MGAM2: variants seen among roughly 807,000 people sequenced by gnomAD.
MGAM2 encodes the protein maltase-glucoamylase 2 (putative), also known as probable maltase-glucoamylase 2.
A neutral mutation model predicts 96.1 loss-of-function variants in MGAM2; 98 were observed. The ratio of observed to expected loss-of-function variants is 1.02; its 90% CI spans 0.87 to 1.21. The LOEUF (loss-of-function observed/expected upper bound fraction) is 1.21, where lower values mean the gene tolerates loss of function less well. Among genes scored for constraint, MGAM2 ranks in the 50% most tolerant of loss-of-function variants. The pLI, the probability that MGAM2 is intolerant of heterozygous loss-of-function variation, is 0.00. For synonymous variants in MGAM2, 749 were observed against 414.8 expected, an observed-to-expected ratio of 1.81 and a Z score of -9.79; for missense variants, 2,055 against 1,182.4, an observed-to-expected ratio of 1.74 and a Z score of -10.82.
Position 142,163,345 on chromosome 7 carries a change from G to A in MGAM2, c.2484+1341G>A, listed in dbSNP as rs967010673. Among the ~76,000 whole-genome samples, 9 of 152,154 alleles carry A rather than the reference G, an allele frequency of 5.9e-5. 1 individual carries two copies. The highest frequency in any genetic ancestry group is 3.3e-4 in the Admixed American group (5 of 15,274). On this transcript the variant is annotated intron_variant, in intron 23 of 47. Transcript: ENST00000477922. ...TGCCCAGGCTGGAGTGCAAGGGCAC[G>A]ATCTCAGCCCACTGCAACCTCCGCC...
intron 17 of MGAM2, among the ~76,000 whole-genome samples, chr7:142,156,770 G>GA (rs993604009): frequency 6.6e-5 from 10 of 151,600 alleles, no homozygotes; most frequent in Non-Finnish European, 1.0e-4. Flanking sequence ...GGGAGCAAAA[G>GA]AAAAAAAAGT....
At chr7:142,119,229 T>C (rs1372475960) in intron 2 of MGAM2, among the ~76,000 whole-genome samples, 1 of 151,388 alleles carries the variant, frequency 6.6e-6, no homozygotes, top group Non-Finnish European at 1.5e-5. Context: ...CAAATCCAAA[T>C]TTAAAAAAAA....
Position 142,183,384 on chromosome 7 carries a change from G to T in MGAM2, c.3924+11G>T, listed in dbSNP as rs1285828438. The stretch of plus-strand genomic sequence containing the variant: ...ATTGTCTGGGGAAAGGTAAGGCTTG[G>T]GGAAGATGCTTACAGTTAATTAACA... On this transcript the variant is annotated intron_variant, in intron 33 of 47. Coordinates refer to ENST00000477922, the MANE Select transcript of MGAM2 (RefSeq NM_001293626.2). 1.4e-6 allele frequency: 1 copy of T among 701,680 alleles called. No individual in the cohort carries two copies. The highest frequency in any genetic ancestry group is 1.5e-5 in the South Asian group (1 of 67,214). 43.5% of individuals were successfully genotyped at this position (701,680 alleles called of 1,614,324 possible).
intron 37 of MGAM2, 78 bp downstream of exon 37, chr7:142,189,583 T>C (rs911244678): frequency 5.4e-6 from 3 of 552,774 alleles, no homozygotes; most frequent in Non-Finnish European, 9.6e-6. Context: ...GCATTGTGCA[T>C]GTATCTACGT....
intron 45 of MGAM2, among the ~76,000 whole-genome samples, chr7:142,205,996 T>C (rs978301692): frequency 6.6e-6 from 1 of 152,148 alleles, no homozygotes; most frequent in Non-Finnish European, 1.5e-5. Context: ...AACTTCTTTC[T>C]TTTGTATGTG....
chr7:142,116,518 A>G (rs1055683321), intron 1 of MGAM2, among the ~76,000 whole-genome samples: 3 of 152,190 alleles, frequency 2.0e-5, no homozygotes, highest in Admixed American at 6.5e-5. Context: ...GGATGTGAAG[A>G]TCAAAGTGAA....
In MGAM2 at chr7:142,137,468, C is replaced by G. The variant is rs1488543102; in HGVS notation, c.883C>G (p.Arg295Gly). Residue 295 changes from arginine (R) to glycine (G), a missense_variant, in exon 9 of 48, where the codon CGC (arginine) becomes GGC (glycine). By Grantham distance (125) the Arg-to-Gly change is moderately radical. Coordinates refer to ENST00000477922, the MANE Select transcript of MGAM2 (RefSeq NM_001293626.2). The stretch of plus-strand genomic sequence containing the variant: ...TCAGCCAGCTCCTGCGATCACTTAT[C>G]GCACGATTGGAGGCATTCTTGACTT... ...TLQPAPAITYRTIGGILDFYV... is the reference protein window; with the variant it reads ...TLQPAPAITYGTIGGILDFYV... 2 of 701,974 alleles carry G rather than the reference C, an allele frequency of 2.8e-6. No homozygotes were observed. Among genetic ancestry groups the G allele is most frequent in the Non-Finnish European group, 5.2e-6 (2 of 384,362 alleles). 43.5% of individuals were successfully genotyped at this position (701,974 alleles called of 1,614,324 possible). A position where few individuals can be genotyped will look rare whatever the true frequency, so the allele number is the denominator to read the frequency against.
chr7:142,187,687 C>T lies in MGAM2; in HGVS notation c.4123-63C>T, dbSNP rs532518569. 3 of 688,628 alleles carry T rather than the reference C, an allele frequency of 4.4e-6. No individual in the cohort carries two copies. In the African/African-American group the frequency reaches 5.3e-5, roughly 12 times the overall value. 42.7% of individuals were successfully genotyped at this position (688,628 alleles called of 1,614,324 possible). ...AAAGTCATCTCCCTGAGTTAGTGTC[C>T]TCTATAGCCAAGGCCATCCTGCCCC... On this transcript the variant is annotated intron_variant, in intron 35 of 47. Coordinates refer to ENST00000477922, the MANE Select transcript of MGAM2 (RefSeq NM_001293626.2).
intron 46 of MGAM2, among the ~76,000 whole-genome samples, chr7:142,210,457 A>C (rs1356290873): frequency 1.3e-5 from 2 of 152,172 alleles, no homozygotes; most frequent in Non-Finnish European, 2.9e-5. Context: ...ACTCGCCGCC[A>C]GCACAGCTGT....
At chr7:142,147,314 A>ATT (rs1795416594) in intron 14 of MGAM2, 142 bp from the exon 15 acceptor site, 2 of 556,960 alleles carry the variant, frequency 3.6e-6, no homozygotes, top group Non-Finnish European at 6.4e-6. Context: ...AGCATTTAGG[A>ATT]TAGAATTTAA....
At chr7:142,178,999 C>T (rs1480666830) in intron 32 of MGAM2, among the ~76,000 whole-genome samples, 1 of 151,882 alleles carries the variant, frequency 6.6e-6, no homozygotes, top group Admixed American at 6.6e-5. Context: ...TAGATGTTTT[C>T]CTAGGTATTC....
intron 3 of MGAM2, among the ~76,000 whole-genome samples, chr7:142,124,253 T>C (rs1414057274): frequency 6.6e-6 from 1 of 152,204 alleles, no homozygotes; most frequent in African/African-American, 2.4e-5. Flanking sequence ...ATTACAGGCA[T>C]GAGCCACCAC....
Position 142,221,133 on chromosome 7 carries a change from A to T in MGAM2, c.6622A>T (p.Ser2208Cys). ...FSIMTTSFSE[S>C]TNAMNTTVIM... ...CATTATGACCACTTCTTTCTCTGAA[A>T]GTACTAATGCTATGAACACTACTGT... Residue 2208 changes from serine (S) to cysteine (C), a missense_variant, in exon 48 of 48, where the codon AGT (serine) becomes TGT (cysteine). Coordinates refer to ENST00000477922, the MANE Select transcript of MGAM2 (RefSeq NM_001293626.2). 1.4e-6 allele frequency: 1 copy of T among 702,546 alleles called. No homozygotes were observed. The highest frequency in any genetic ancestry group is 2.6e-6 in the Non-Finnish European group (1 of 384,760). 43.5% of individuals were successfully genotyped at this position (702,546 alleles called of 1,614,324 possible).
At chr7:142,208,442 C>T (rs1221355851) in intron 45 of MGAM2, 131 bp from the exon 46 acceptor site, 3 of 659,842 alleles carry the variant, frequency 4.5e-6, no homozygotes, top group Non-Finnish European at 8.3e-6. Flanking sequence ...CTCTTCAGTG[C>T]TCCTCAGAGA....
chr7:142,217,980 A>C (rs1414301050), intron 46 of MGAM2, among the ~76,000 whole-genome samples: 1 of 152,106 alleles, frequency 6.6e-6, no homozygotes, highest in Non-Finnish European at 1.5e-5. Context: ...GCTGCTTAGG[A>C]GGCTGAGGCA....
chr7:142,155,712 G>C (rs1795714549), intron 17 of MGAM2, among the ~76,000 whole-genome samples: 1 of 152,172 alleles, frequency 6.6e-6, no homozygotes, highest in African/African-American at 2.4e-5. Context: ...TCTTCATGAA[G>C]CTGTGTCCTG....
At chr7:142,137,938 G>T (rs935112743) in intron 9 of MGAM2, among the ~76,000 whole-genome samples, 1 of 152,186 alleles carries the variant, frequency 6.6e-6, no homozygotes, top group African/African-American at 2.4e-5. Flanking sequence ...CTTGAGGTTG[G>T]CTGCAGTGGC....
At chr7:142,141,374 C>A (rs1471147292) in intron 12 of MGAM2, among the ~76,000 whole-genome samples, 5 of 152,202 alleles carry the variant, frequency 3.3e-5, no homozygotes, top group Admixed American at 2.0e-4. Context: ...AAATCAGTTA[C>A]CTAAAGCCCT....
intron 1 of MGAM2, among the ~76,000 whole-genome samples, chr7:142,112,102 C>T (rs3800995): frequency 0.23 from 33,957 of 150,658 alleles, 4,729 homozygotes; most frequent in African/African-American, 0.38. Flanking sequence ...TCCTCTCTCA[C>T]TGGGAGAAAT....
Sources: gnomAD v4.1 joint callset for allele counts (sites outside exome capture counted in the v4.1 genomes callset) on GRCh38, gnomAD v4.1.1 for gene constraint, MANE v1.5 for transcripts, NCBI Gene and HGNC (gene_info 2026-07-23, HGNC 2026-07-21) for gene names.